ZFYVE9: variants seen among roughly 807,000 people sequenced by gnomAD.
ZFYVE9 encodes zinc finger FYVE-type containing 9, also known as zinc finger FYVE domain-containing protein 9.
A neutral mutation model predicts 126.7 loss-of-function variants in ZFYVE9; 43 were observed. The observed-to-expected ratio is 0.34, with a 90% CI of 0.27 to 0.44. The LOEUF is 0.44. Ranked by LOEUF, ZFYVE9 falls within the 20% of genes least tolerant of loss-of-function variation. The pLI is 1.00. For synonymous variants in ZFYVE9, 521 were observed against 597.4 expected (o/e 0.87, Z 1.87); for missense variants, 1,476 against 1,697.0 (o/e 0.87, Z 2.29).
At chr1:52,285,073 A>T (rs761915457) in intron 10 of ZFYVE9, among the ~76,000 whole-genome samples, 6 of 152,202 alleles carry the variant, frequency 3.9e-5, no homozygotes, top group Non-Finnish European at 8.8e-5. Flanking sequence ...CAGACCTAGA[A>T]GTGTTAATGG....
intron 1 of ZFYVE9, among the ~76,000 whole-genome samples, chr1:52,165,218 C>T (rs1417248440): frequency 1.3e-5 from 2 of 151,876 alleles, no homozygotes; most frequent in Non-Finnish European, 2.9e-5. Flanking sequence ...ATAAAAAACT[C>T]ATATCAGACT....
intron 4 of ZFYVE9, among the ~76,000 whole-genome samples, chr1:52,250,113 T>C (rs1645429175): frequency 6.6e-6 from 1 of 152,182 alleles, no homozygotes; most frequent in South Asian, 2.1e-4. Context: ...GAGATTCAAT[T>C]TGAATTTGAG....
intron 1 of ZFYVE9, among the ~76,000 whole-genome samples, chr1:52,176,157 T>A (rs1244680652): frequency 3.9e-5 from 6 of 152,250 alleles, no homozygotes; most frequent in Non-Finnish European, 8.8e-5. Context: ...ATGATGGTGA[T>A]GTACAGATGG....
At chr1:52,295,246 CTT>C (rs1645961813) in intron 11 of ZFYVE9, among the ~76,000 whole-genome samples, 1 of 151,352 alleles carries the variant, frequency 6.6e-6, no homozygotes, top group African/African-American at 2.4e-5. Flanking sequence ...AAAGTGAACT[CTT>C]AAACTTATTG....
intron 4 of ZFYVE9, among the ~76,000 whole-genome samples, chr1:52,243,267 A>G (rs145074970): frequency 1.3e-5 from 2 of 152,216 alleles, no homozygotes; most frequent in Non-Finnish European, 2.9e-5. Context: ...AAACAAAACA[A>G]AACAAAAAAA....
At position 52,214,148 on chromosome 1, in the gene ZFYVE9, C is replaced by T. The variant is rs778655997; in HGVS notation, c.-142-2221C>T. On this transcript the variant is annotated intron_variant, in intron 1 of 18. Coordinates refer to ENST00000287727, the MANE Select transcript of ZFYVE9 (RefSeq NM_004799.4). ...GAAAATGTAAAGTTATAAATGTGGC[C>T]GGGCGCGGTGCCTCATGCCTGTAAT... Among the ~76,000 whole-genome samples the T allele has an allele frequency of 5.9e-5, 9 of 152,226 alleles. No individual in the cohort carries two copies. The South Asian group carries it at 6.2e-4, about 11-fold the overall frequency.
chr1:52,289,566 G>A (rs1645897456), intron 10 of ZFYVE9, among the ~76,000 whole-genome samples: 1 of 152,186 alleles, frequency 6.6e-6, no homozygotes, highest in Admixed American at 6.5e-5. Flanking sequence ...ATTGAGTGCA[G>A]TCGTTGAGAA....
intron 1 of ZFYVE9, among the ~76,000 whole-genome samples, chr1:52,205,204 A>G (rs1200256965): frequency 1.3e-5 from 2 of 150,466 alleles, no homozygotes; most frequent in Admixed American, 6.7e-5. Flanking sequence ...TTCCCCAAGT[A>G]GCTGCGACTA....
chr1:52,201,726 G>C (rs1206754295), intron 1 of ZFYVE9, among the ~76,000 whole-genome samples: 2 of 151,378 alleles, frequency 1.3e-5, no homozygotes, highest in African/African-American at 4.9e-5. Context: ...CTTTTCATTG[G>C]TGCATTTAGA....
intron 1 of ZFYVE9, among the ~76,000 whole-genome samples, chr1:52,161,174 A>G (rs1413490671): frequency 6.6e-6 from 1 of 152,258 alleles, no homozygotes; most frequent in Non-Finnish European, 1.5e-5. Context: ...AGCAAATTAT[A>G]TAGTTGCTCT....
chr1:52,293,766 C>A, intron 11 of ZFYVE9, 89 bp downstream of exon 11: 1 of 1,264,494 alleles, frequency 7.9e-7, no homozygotes, highest in Non-Finnish European at 1.1e-6. Context: ...TATAATTCAG[C>A]AGAAATAGTC....
At chr1:52,203,458 C>T (rs554818242) in intron 1 of ZFYVE9, among the ~76,000 whole-genome samples, 2 of 118,032 alleles carry the variant, frequency 1.7e-5, no homozygotes, top group Non-Finnish European at 3.3e-5. Context: ...GGTGGGGTTA[C>T]AGACCCGTCT....
In ZFYVE9 at chr1:52,238,170, T is replaced by C. The variant is rs1046392904; in HGVS notation, c.753T>C (p.Ser251=). The C allele has an allele frequency of 1.2e-6, 2 of 1,614,024 alleles. No homozygotes were observed. The highest frequency in any genetic ancestry group is 2.7e-5 in the African/African-American group (2 of 75,006). The change falls in exon 4 of 19, where the codon AGT becomes AGC. Residue 251 remains serine (S), a synonymous_variant. Coordinates refer to ENST00000287727, the MANE Select transcript of ZFYVE9 (RefSeq NM_004799.4). The part of the protein sequence containing the change: ...CSPSQLKDDG[S]IGRDPSMSAI... ...CTTCACAATTAAAGGATGACGGAAG[T>C]ATAGGTAGAGACCCCTCCATGTCTG... is the stretch of plus-strand genomic sequence containing the variant.
At chr1:52,308,828 T>C (rs550284058) in intron 13 of ZFYVE9, among the ~76,000 whole-genome samples, 1 of 152,248 alleles carries the variant, frequency 6.6e-6, no homozygotes, top group Non-Finnish European at 1.5e-5. Context: ...TTTTCTCTGC[T>C]GTGAGTTCCA....
intron 2 of ZFYVE9, among the ~76,000 whole-genome samples, chr1:52,225,702 T>G (rs1490428500): frequency 6.6e-6 from 1 of 152,188 alleles, no homozygotes; most frequent in South Asian, 2.1e-4. Flanking sequence ...TTACAACTTA[T>G]GACCAGGAAG....
intron 4 of ZFYVE9, among the ~76,000 whole-genome samples, chr1:52,262,874 C>G (rs910744202): frequency 1.3e-5 from 2 of 151,910 alleles, no homozygotes; most frequent in African/African-American, 4.8e-5. Context: ...GAGTTTGAGA[C>G]TAGCCTGGCC....
At chr1:52,303,756 T>C (rs996011826) in intron 12 of ZFYVE9, 65 bp from the exon 13 acceptor site, 2 of 975,106 alleles carry the variant, frequency 2.1e-6, no homozygotes, top group Non-Finnish European at 2.9e-6. Context: ...GTTAATTTTA[T>C]TACTATAAAT....
intron 10 of ZFYVE9, 73 bp from the exon 11 acceptor site, chr1:52,293,376 CAAAA>C (rs376379860): frequency 6.5e-3 from 3,869 of 596,762 alleles, no homozygotes; most frequent in East Asian, 0.011. Context: ...GACTCCGTCT[CAAAA>C]AAAAAAAAAA....
At chr1:52,275,260 G>C (rs565019356) in intron 8 of ZFYVE9, among the ~76,000 whole-genome samples, 1 of 151,740 alleles carries the variant, frequency 6.6e-6, no homozygotes, top group East Asian at 1.9e-4. Flanking sequence ...TTTTTGTTTT[G>C]AGACAGGGTC....
Sources: gnomAD v4.1 joint callset for allele counts (sites outside exome capture counted in the v4.1 genomes callset) on GRCh38, gnomAD v4.1.1 for gene constraint, MANE v1.5 for transcripts, NCBI Gene and HGNC (gene_info 2026-07-23, HGNC 2026-07-21) for gene names.